Variants in APLF observed in about 807,000 individuals in gnomAD.
APLF encodes the protein aprataxin and PNK-like factor.
APLF carries 61 observed loss-of-function variants against 55.6 expected under a neutral mutation model. The ratio of observed to expected loss-of-function variants is 1.10; its 90% CI spans 0.89 to 1.36. The LOEUF is 1.36. APLF is among the 40% of genes most tolerant of loss of function. APLF has a pLI of 0.00. For synonymous variants in APLF, 207 were observed against 214.8 expected (o/e 0.96, Z 0.32); for missense variants, 611 against 602.5 (o/e 1.01, Z -0.15).
chr2:68,517,754 C>A (rs1196578108), intron 5 of APLF, among the ~76,000 whole-genome samples: 1 of 144,110 alleles, frequency 6.9e-6, no homozygotes, highest in East Asian at 2.1e-4. Flanking sequence ...CTAATATCTA[C>A]TGTTAATATA....
At chr2:68,518,516 TTATTA>T (rs1472231764) in intron 5 of APLF, among the ~76,000 whole-genome samples, 2 of 117,082 alleles carry the variant, frequency 1.7e-5, no homozygotes, top group African/African-American at 6.9e-5. Context: ...TGTTAATATA[TTATTA>T]TATTATATAT....
chr2:68,573,142 C>T (rs1671517918), intron 9 of APLF, among the ~76,000 whole-genome samples: 1 of 151,976 alleles, frequency 6.6e-6, no homozygotes, highest in African/African-American at 2.4e-5. Context: ...ATTATTTTTT[C>T]TAAAAGTTAT....
chr2:68,491,061 A>C, intron 2 of APLF, among the ~76,000 whole-genome samples: 1 of 152,176 alleles, frequency 6.6e-6, no homozygotes, highest in East Asian at 1.9e-4. Flanking sequence ...AACTGTTTGC[A>C]AATTTGGAAA....
At chr2:68,470,908 T>C (rs530509060) in intron 1 of APLF, among the ~76,000 whole-genome samples, 9 of 152,234 alleles carry the variant, frequency 5.9e-5, no homozygotes, top group Non-Finnish European at 1.3e-4. Context: ...ATGTTGTAAA[T>C]GTTCTACAAA....
At chr2:68,567,486 G>A (rs1418966697) in intron 9 of APLF, 99 bp downstream of exon 9, 1 of 966,160 alleles carries the variant, frequency 1.0e-6, no homozygotes, top group Admixed American at 2.9e-5. Context: ...TAAAATCTCT[G>A]CTTCTGTGAA....
intron 8 of APLF, among the ~76,000 whole-genome samples, chr2:68,560,134 T>G (rs1188018111): frequency 6.6e-6 from 1 of 152,132 alleles, no homozygotes; most frequent in East Asian, 1.9e-4. Flanking sequence ...ACCTGTATGT[T>G]CAATCACTCT....
At chr2:68,525,819 G>A (rs1177452967) in intron 5 of APLF, among the ~76,000 whole-genome samples, 2 of 134,494 alleles carry the variant, frequency 1.5e-5, no homozygotes, top group Non-Finnish European at 3.1e-5. Flanking sequence ...GTGTGATCTC[G>A]GCTCACTGCA....
In APLF at chr2:68,537,931, G is replaced by T; in HGVS notation, c.864G>T (p.Lys288Asn). 6.2e-7 allele frequency: 1 copy of T among 1,612,664 alleles called. No homozygotes were observed. The highest frequency in any genetic ancestry group is 8.5e-7 in the Non-Finnish European group (1 of 1,179,550). Reference sequence around the variant, plus strand: ...GTAACACAGAGATGAATAATATTAAGACTAATGCACAGAGAAACAAACTTC... The same window carrying T: ...GTAACACAGAGATGAATAATATTAATACTAATGCACAGAGAAACAAACTTC... ...TLSNTEMNNI[K>N]TNAQRNKLPI... is the part of the protein sequence containing the mutation. The change falls in exon 7 of 10, where the codon AAG (lysine) becomes AAT (asparagine). Residue 288 changes from lysine (K) to asparagine (N), a missense_variant. Physicochemically the swap from Lys to Asn is moderately conservative, Grantham distance 94. Coordinates refer to ENST00000303795, the MANE Select transcript of APLF (RefSeq NM_173545.3).
At chr2:68,472,424 A>G (rs1412450319) in intron 1 of APLF, among the ~76,000 whole-genome samples, 1 of 152,218 alleles carries the variant, frequency 6.6e-6, no homozygotes, top group Non-Finnish European at 1.5e-5. Flanking sequence ...GTCACGTTAT[A>G]CAGGGTTAAA....
At chr2:68,518,635 T>C (rs1218466836) in intron 5 of APLF, among the ~76,000 whole-genome samples, 2 of 122,656 alleles carry the variant, frequency 1.6e-5, no homozygotes, top group African/African-American at 3.2e-5. Flanking sequence ...TATATAATAA[T>C]ATATCATTAA....
At position 68,578,010 on chromosome 2, in the gene APLF, GA is replaced by G. The variant is rs149897324; in HGVS notation, c.1528del (p.Arg510GlufsTer5). ...TTTTGAAAGAAGCAAAAAGGTTTATGAAAAGAAAATAGTAACTAACTTCTGT... is the reference window on the plus strand; with the variant it reads ...TTTTGAAAGAAGCAAAAAGGTTTATGAAAGAAAATAGTAACTAACTTCTGT... Reference protein sequence around the residue: ...ELLKEAKRFMKRK With the variant: ...ELLKEAKRFMXRK On this transcript the variant is annotated frameshift_variant, in exon 10 of 10. Transcript: ENST00000303795. LOFTEE classifies it high-confidence loss of function. 0.013 allele frequency: 21,093 copies of G among 1,612,250 alleles called. 205 individuals carry two copies. Among genetic ancestry groups the G allele is most frequent in the Non-Finnish European group, 0.015 (17,204 of 1,179,232 alleles).
At chr2:68,572,213 T>C (rs142137264) in intron 9 of APLF, among the ~76,000 whole-genome samples, 10 of 152,026 alleles carry the variant, frequency 6.6e-5, no homozygotes, top group Non-Finnish European at 1.2e-4. Flanking sequence ...TAAAAAGAAA[T>C]GAACTTTATA....
At chr2:68,520,492 T>C (rs796860391) in intron 5 of APLF, among the ~76,000 whole-genome samples, 5 of 152,164 alleles carry the variant, frequency 3.3e-5, no homozygotes, top group African/African-American at 1.2e-4. Context: ...GATTTTTGTA[T>C]AAGGTGAGAG....
chr2:68,517,187 GATAC>G (rs1286418468), intron 5 of APLF, among the ~76,000 whole-genome samples: 1 of 122,002 alleles, frequency 8.2e-6, no homozygotes, highest in Non-Finnish European at 1.6e-5. Context: ...TAATGTTATT[GATAC>G]ATAATATATT....
chr2:68,474,032 C>T (rs75084621), intron 1 of APLF, among the ~76,000 whole-genome samples: 2,732 of 152,262 alleles, frequency 0.018, 78 homozygotes, highest in African/African-American at 0.062. Context: ...TCCCATGGCC[C>T]TTTCCTTGGG....
intron 2 of APLF, among the ~76,000 whole-genome samples, 174 bp downstream of exon 2, chr2:68,490,435 T>C (rs1416754486): frequency 6.6e-6 from 1 of 152,180 alleles, no homozygotes; most frequent in Non-Finnish European, 1.5e-5. Flanking sequence ...GAAAACTACA[T>C]ATTTTCTCAT....
At chr2:68,474,034 T>C (rs1213503088) in intron 1 of APLF, among the ~76,000 whole-genome samples, 1 of 152,182 alleles carries the variant, frequency 6.6e-6, no homozygotes, top group Admixed American at 6.5e-5. Context: ...CCATGGCCCT[T>C]TCCTTGGGCT....
rs145911945 is a variant in APLF, at chr2:68,575,809, T to C, written c.1334-2011T>C. On this transcript the variant is annotated intron_variant, in intron 9 of 9. Transcript: ENST00000303795. ...AAAGAGTTATGTTCTGGAAATGTTA[T>C]ATTCCAGGTGCCTGTAAGTCATCCA... Among the ~76,000 whole-genome samples, 15 of 152,274 alleles carry C rather than the reference T, an allele frequency of 9.9e-5. No homozygotes were observed. In the East Asian group the frequency reaches 2.7e-3, roughly 27 times the overall value.
intron 1 of APLF, among the ~76,000 whole-genome samples, chr2:68,486,747 G>C (rs1676187954): frequency 1.3e-5 from 2 of 152,182 alleles, no homozygotes; most frequent in African/African-American, 4.8e-5. Flanking sequence ...GTTGTGATTA[G>C]AATTTAGGTG....
Sources: gnomAD v4.1 joint callset for allele counts (sites outside exome capture counted in the v4.1 genomes callset) on GRCh38, gnomAD v4.1.1 for gene constraint, MANE v1.5 for transcripts, NCBI Gene and HGNC (gene_info 2026-07-23, HGNC 2026-07-21) for gene names.